TSHR: variants seen among roughly 807,000 people sequenced by gnomAD.
The protein encoded by TSHR is thyrotropin receptor.
TSHR carries 51 observed loss-of-function variants against 64.1 expected under a neutral mutation model. The observed-to-expected ratio is 0.80, with a 90% CI of 0.64 to 1.01. The LOEUF (loss-of-function observed/expected upper bound fraction) is 1.01. TSHR is among the 50% of genes least tolerant of loss of function. The pLI, the probability that TSHR is intolerant of heterozygous loss-of-function variation, is 0.00. For missense variants in TSHR, 877 were observed against 942.8 expected (o/e 0.93, Z 0.91); for synonymous variants, 361 against 361.9 (o/e 1.00, Z 0.03).
intron 1 of TSHR, among the ~76,000 whole-genome samples, chr14:80,989,803 C>T (rs1009603323): frequency 6.6e-6 from 1 of 152,036 alleles, no homozygotes; most frequent in Non-Finnish European, 1.5e-5. Flanking sequence ...TAGAGGTTAC[C>T]TAAGACAACC....
intron 1 of TSHR, among the ~76,000 whole-genome samples, chr14:81,021,931 T>C (rs1018605136): frequency 6.6e-6 from 1 of 152,154 alleles, no homozygotes; most frequent in African/African-American, 2.4e-5. Flanking sequence ...AGTTGGCACA[T>C]GGCATCCAAT....
chr14:81,144,046 T>C lies in TSHR; in HGVS notation c.1988T>C (p.Leu663Pro). The C allele has an allele frequency of 6.2e-7, 1 of 1,614,192 alleles. No homozygotes were observed. Among genetic ancestry groups the C allele is most frequent in the Non-Finnish European group, 8.5e-7 (1 of 1,180,030 alleles). ...LITVSNSKIL[L>P]VLFYPLNSCA... ...ACTGTTAGCAACTCCAAAATCTTGCTGGTACTCTTCTATCCACTTAACTCC... is the reference window on the plus strand; with the variant it reads ...ACTGTTAGCAACTCCAAAATCTTGCCGGTACTCTTCTATCCACTTAACTCC... The change falls in exon 10 of 10, where the codon CTG becomes CCG. Residue 663 changes from leucine (L) to proline (P), a missense_variant. Physicochemically the swap from Leu to Pro is moderately conservative, Grantham distance 98 (BLOSUM62 -3). Coordinates refer to ENST00000298171, the MANE Select transcript of TSHR (RefSeq NM_000369.5).
intron 1 of TSHR, among the ~76,000 whole-genome samples, chr14:81,022,988 A>G (rs1426680655): frequency 1.3e-5 from 2 of 152,180 alleles, no homozygotes; most frequent in African/African-American, 4.8e-5. Context: ...ACCAAAGAGC[A>G]AGTCCCCACC....
At chr14:81,086,330 G>T (rs1488498802) in intron 3 of TSHR, among the ~76,000 whole-genome samples, 1 of 152,154 alleles carries the variant, frequency 6.6e-6, no homozygotes. Context: ...GGTGATTTCT[G>T]TTCTCAGAGT....
intron 8 of TSHR, among the ~76,000 whole-genome samples, chr14:81,114,173 G>A (rs980338192): frequency 3.9e-5 from 6 of 151,912 alleles, no homozygotes; most frequent in African/African-American, 1.4e-4. Context: ...TGGGGGGGAG[G>A]AGCCAAGATG....
chr14:81,143,642 C>A lies in TSHR; in HGVS notation c.1584C>A (p.Arg528=). The A allele has an allele frequency of 6.2e-7, 1 of 1,614,124 alleles. No homozygotes were observed. Among genetic ancestry groups the A allele is most frequent in the East Asian group, 2.2e-5 (1 of 44,876 alleles). ...GGTATGCCATCACCTTCGCCATGCG[C>A]CTGGACCGGAAGATCCGCCTCAGGC... The part of the protein sequence containing the change: ...ERWYAITFAM[R]LDRKIRLRHA... The change falls in exon 10 of 10, where the codon CGC becomes CGA. Residue 528 remains arginine (R), a synonymous_variant. Transcript: ENST00000298171.
intron 8 of TSHR, among the ~76,000 whole-genome samples, chr14:81,131,157 T>G (rs545576268): frequency 6.6e-6 from 1 of 152,206 alleles, no homozygotes; most frequent in East Asian, 1.9e-4. Context: ...GCAACTTCAT[T>G]CTCCCAGCTG....
At chr14:81,013,827 G>T (rs1890044525) in intron 1 of TSHR, 1 of 152,112 alleles carries the variant, frequency 6.6e-6, no homozygotes, top group African/African-American at 2.4e-5. Flanking sequence ...TTAGTGGTCT[G>T]GCATCATCTA....
intron 1 of TSHR, among the ~76,000 whole-genome samples, chr14:81,020,384 T>G (rs945799695): frequency 2.0e-5 from 3 of 152,180 alleles, no homozygotes; most frequent in Admixed American, 6.5e-5. Flanking sequence ...TTCATCTGTA[T>G]TTTACAGCTG....
Position 81,086,314 on chromosome 14 carries a change from G to C in TSHR, c.318-1640G>C, listed in dbSNP as rs2139962937. On this transcript the variant is annotated intron_variant, in intron 3 of 9. Coordinates refer to ENST00000298171, the MANE Select transcript of TSHR (RefSeq NM_000369.5). ...GTAAGCTGTGTGTTTAGGGAGGAGA[G>C]AGGTAGGTGATTTCTGTTCTCAGAG... is the stretch of plus-strand genomic sequence containing the variant. Among the ~76,000 whole-genome samples the C allele has an allele frequency of 2.6e-5, 4 of 152,324 alleles. No individual in the cohort carries two copies. The South Asian group carries it at 8.3e-4, about 32-fold the overall frequency.
intron 1 of TSHR, among the ~76,000 whole-genome samples, chr14:81,035,176 A>G (rs772261344): frequency 3.9e-5 from 6 of 152,172 alleles, no homozygotes; most frequent in Non-Finnish European, 5.9e-5. Context: ...CCTGAAAAGT[A>G]ATGATTGAGC....
chr14:81,002,453 T>G (rs1889371186), intron 1 of TSHR, among the ~76,000 whole-genome samples: 1 of 152,238 alleles, frequency 6.6e-6, no homozygotes, highest in Non-Finnish European at 1.5e-5. Flanking sequence ...TATCTCAATG[T>G]TGTTGTGAAG....
chr14:81,064,449 T>C (rs1165891408), intron 2 of TSHR, among the ~76,000 whole-genome samples: 1 of 152,088 alleles, frequency 6.6e-6, no homozygotes, highest in Admixed American at 6.6e-5. Context: ...TGCAGTTATA[T>C]TGAGTACACA....
rs73347926 is a variant in TSHR, at chr14:80,995,990, T to C, written c.170+40140T>C. ...TCGACACTCCTAAACCCCTCCATTG[T>C]CAAGGGTGAACTGTATCTGTTTTTG... is the stretch of plus-strand genomic sequence containing the variant. On this transcript the variant is annotated intron_variant, in intron 1 of 9. Transcript: ENST00000298171. Among the ~76,000 whole-genome samples, 1,068 of 152,330 alleles carry C rather than the reference T, an allele frequency of 7.0e-3. 12 individuals are homozygous for C. Among genetic ancestry groups the C allele is most frequent in the African/African-American group, 0.023 (974 of 41,572 alleles).
At chr14:80,962,294 G>T (rs1212166060) in intron 1 of TSHR, among the ~76,000 whole-genome samples, 1 of 152,152 alleles carries the variant, frequency 6.6e-6, no homozygotes, top group Non-Finnish European at 1.5e-5. Flanking sequence ...AATTGCCTAA[G>T]ATTGCCATAA....
intron 1 of TSHR, among the ~76,000 whole-genome samples, chr14:80,978,426 A>C (rs1478318005): frequency 6.6e-6 from 1 of 152,192 alleles, no homozygotes; most frequent in Non-Finnish European, 1.5e-5. Context: ...TAGGAGTGCA[A>C]GTGGTTCATT....
chr14:81,070,914 C>T (rs917981700), intron 3 of TSHR, among the ~76,000 whole-genome samples: 3 of 152,058 alleles, frequency 2.0e-5, no homozygotes, highest in Non-Finnish European at 4.4e-5. Context: ...AAAGGAAAGC[C>T]ATCCCACATG....
At chr14:81,044,792 C>G (rs1397393002) in intron 1 of TSHR, among the ~76,000 whole-genome samples, 1 of 152,054 alleles carries the variant, frequency 6.6e-6, no homozygotes, top group African/African-American at 2.4e-5. Context: ...ATGCTATACA[C>G]TGTCGGTGAG....
rs1019937080 is a variant in TSHR at position 81,027,399 on chromosome 14, T to G, written c.171-34749T>G. Reference sequence around the variant, plus strand: ...CCAGCAAACATAAATATCTATTAATTTCCATGCATAATCTAGTAAAGTTAA... The same window carrying G: ...CCAGCAAACATAAATATCTATTAATGTCCATGCATAATCTAGTAAAGTTAA... On this transcript the variant is annotated intron_variant, in intron 1 of 9. Coordinates refer to ENST00000298171, the MANE Select transcript of TSHR (RefSeq NM_000369.5). Among the ~76,000 whole-genome samples the G allele has an allele frequency of 7.2e-5, 11 of 152,162 alleles. No individual in the cohort carries two copies. In the East Asian group the frequency reaches 2.1e-3, roughly 29 times the overall value.
Sources: allele counts gnomAD v4.1 joint callset (sites outside exome capture counted in the v4.1 genomes callset), GRCh38; gene constraint gnomAD v4.1.1; transcripts MANE v1.5; gene names NCBI Gene and HGNC (gene_info 2026-07-23, HGNC 2026-07-21).